FERMT3: variants seen among roughly 807,000 people sequenced by gnomAD.
FERMT3 encodes the protein FERM domain containing kindlin 3.
FERMT3 carries 33 observed loss-of-function variants against 80.8 expected under a neutral mutation model. The observed-to-expected ratio is 0.41, with a 90% confidence interval of 0.31 to 0.55. FERMT3 has a LOEUF of 0.55. Ranked by LOEUF, FERMT3 falls within the 20% of genes least tolerant of loss-of-function variation. FERMT3 has a pLI of 0.31. For missense variants in FERMT3, 754 were observed against 908.7 expected (o/e 0.83, Z 2.19); for synonymous variants, 375 against 372.2 (o/e 1.01, Z -0.09).
Position 64,211,585 on chromosome 11 carries a change from C to G in FERMT3, c.684-60C>G, listed in dbSNP as rs983292670. Reference sequence around the variant, plus strand: ...GTGCTTGTCCCCCCAGCCCAGCCCCCCTCCCCACCCCACGGCCGTACCTGG... The same window carrying G: ...GTGCTTGTCCCCCCAGCCCAGCCCCGCTCCCCACCCCACGGCCGTACCTGG... On this transcript the variant is annotated intron_variant, in intron 5 of 14. Coordinates refer to ENST00000345728, the MANE Select transcript of FERMT3 (RefSeq NM_031471.6). The surrounding 1 kb of genome is among the most constrained non-coding windows in gnomAD (Gnocchi z 4.7). The G allele has an allele frequency of 3.8e-6, 6 of 1,569,722 alleles. No homozygotes were observed. Among genetic ancestry groups the G allele is most frequent in the East Asian group, 4.5e-5 (2 of 44,084 alleles).
Position 64,211,518 on chromosome 11 carries a change from C to T in FERMT3, c.683+75C>T. 3.3e-6 allele frequency: 5 copies of T among 1,517,342 alleles called. No individual in the cohort carries two copies. In the South Asian group the frequency reaches 3.6e-5, roughly 11 times the overall value. 94.0% of individuals were successfully genotyped at this position (1,517,342 alleles called of 1,614,324 possible). A position where few individuals can be genotyped will look rare whatever the true frequency, so the allele number is the denominator to read the frequency against. On this transcript the variant is annotated intron_variant, in intron 5 of 14. Coordinates refer to ENST00000345728, the MANE Select transcript of FERMT3 (RefSeq NM_031471.6). This position sits in a 1 kb window ranked among gnomAD's most constrained non-coding sequence, Gnocchi z 4.7. Reference sequence around the variant, plus strand: ...CCACCCCCTGTCCCGTGTCTGTGCCCACCCCAGATCCACACTTCGTTTCCA... The same window carrying T: ...CCACCCCCTGTCCCGTGTCTGTGCCTACCCCAGATCCACACTTCGTTTCCA...
chr11:64,218,034 C>T (rs1265934452), intron 6 of FERMT3, among the ~76,000 whole-genome samples: 4 of 130,212 alleles, frequency 3.1e-5, no homozygotes, highest in South Asian at 2.4e-4. Context: ...GACGGAGTCT[C>T]GCTCTGTCGC....
chr11:64,221,227 G>C, intron 13 of FERMT3, 87 bp downstream of exon 13: 1 of 1,420,310 alleles, frequency 7.0e-7, no homozygotes, highest in Non-Finnish European at 9.8e-7. Context: ...CCCAAGAGTA[G>C]GTTCTGGACA....
At chr11:64,209,169 A>G (rs1946383509) in intron 2 of FERMT3, among the ~76,000 whole-genome samples, 2 of 151,804 alleles carry the variant, frequency 1.3e-5, no homozygotes, top group African/African-American at 4.8e-5. Context: ...GAGGAGGGGG[A>G]GCTGGCTAGG....
At position 64,219,757 on chromosome 11, in the gene FERMT3, C is replaced by G; in HGVS notation, c.1047C>G (p.Ile349Met). The change falls in exon 9 of 15, where the codon ATC (isoleucine) becomes ATG (methionine). Residue 349 changes from isoleucine to methionine, a missense_variant. Ile to Met is a conservative substitution (Grantham distance 10). Coordinates refer to ENST00000345728, the MANE Select transcript of FERMT3 (RefSeq NM_031471.6). The surrounding 1 kb of genome is among the most constrained non-coding windows in gnomAD (Gnocchi z 4.0). Reference sequence around the variant, plus strand: ...TCCCATAGGACAGCCTCACCACCATCCCAGAGCTCAAGGACCATCTCCGAA... The same window carrying G: ...TCCCATAGGACAGCCTCACCACCATGCCAGAGCTCAAGGACCATCTCCGAA... ...PTDVLDSLTT[I>M]PELKDHLRIF... 6.2e-7 allele frequency: 1 copy of G among 1,613,988 alleles called. No homozygotes were observed. Among genetic ancestry groups the G allele is most frequent in the Non-Finnish European group, 8.5e-7 (1 of 1,179,998 alleles).
intron 6 of FERMT3, among the ~76,000 whole-genome samples, chr11:64,216,197 ATTTT>A (rs756581025): frequency 7.8e-6 from 1 of 128,436 alleles, no homozygotes; most frequent in African/African-American, 2.9e-5. Flanking sequence ...CTCTGTAAGG[ATTTT>A]TTTTTTTTTT....
At chr11:64,209,678 C>T (rs1946394223) in intron 2 of FERMT3, among the ~76,000 whole-genome samples, 1 of 152,140 alleles carries the variant, frequency 6.6e-6, no homozygotes. Context: ...GGTTTGGCAG[C>T]AGTGGTGATG....
At position 64,219,215 on chromosome 11, in the gene FERMT3, C is replaced by G; in HGVS notation, c.787-36C>G. The stretch of plus-strand genomic sequence containing the variant: ...GCGTCCAGGGCAGCTGGCATCTGAC[C>G]AGCCCAGCCTCCAGCCTCCTCTCCC... On this transcript the variant is annotated intron_variant, in intron 6 of 14. Coordinates refer to ENST00000345728, the MANE Select transcript of FERMT3 (RefSeq NM_031471.6). The surrounding 1 kb of genome is among the most constrained non-coding windows in gnomAD (Gnocchi z 4.0). 2 of 1,547,718 alleles carry G rather than the reference C, an allele frequency of 1.3e-6. No individual in the cohort carries two copies. Among genetic ancestry groups the G allele is most frequent in the Middle Eastern group, 1.7e-4 (1 of 5,866 alleles).
intron 13 of FERMT3, 63 bp downstream of exon 13, chr11:64,221,203 C>A: frequency 6.5e-7 from 1 of 1,534,584 alleles, no homozygotes. Flanking sequence ...CACCCGGCTG[C>A]TGTGTGCCCA....
At chr11:64,215,512 A>G (rs951284654) in intron 6 of FERMT3, among the ~76,000 whole-genome samples, 2 of 152,174 alleles carry the variant, frequency 1.3e-5, no homozygotes, top group African/African-American at 4.8e-5. Context: ...TAATTGTCTG[A>G]ATGGTTTCTT....
rs761313473 is a variant in FERMT3, at chr11:64,223,209, A to G, written c.1812+20A>G. The G allele has an allele frequency of 1.6e-5, 26 of 1,613,650 alleles. No individual in the cohort carries two copies. The highest frequency in any genetic ancestry group is 2.1e-5 in the Non-Finnish European group (25 of 1,180,020). On this transcript the variant is annotated intron_variant, in intron 14 of 14. Transcript: ENST00000345728. ...CGGCAGGTGGGCCCAGACCCAGGGT[A>G]TATGGATGGGGGACAGGTGCAGGCC...
Position 64,210,048 on chromosome 11 carries a change from G to A in FERMT3, c.161-563G>A, listed in dbSNP as rs1946402038. Among the ~76,000 whole-genome samples the A allele has an allele frequency of 6.6e-6, 1 of 152,172 alleles. No homozygotes were observed. The highest frequency in any genetic ancestry group is 1.5e-5 in the Non-Finnish European group (1 of 68,038). On this transcript the variant is annotated intron_variant, in intron 2 of 14. Coordinates refer to ENST00000345728, the MANE Select transcript of FERMT3 (RefSeq NM_031471.6). This position sits in a 1 kb window ranked among gnomAD's most constrained non-coding sequence, Gnocchi z 4.3. ...GCTACCACATGGGAGGCCTTGTTCC[G>A]TGTCCCAGTTTGTAAGATCGTTATT... is the stretch of plus-strand genomic sequence containing the variant.
At position 64,211,102 on chromosome 11, in the gene FERMT3, G is replaced by A. The variant is rs1189533527; in HGVS notation, c.445G>A (p.Glu149Lys). 1 of 1,571,176 alleles carries A rather than the reference G, an allele frequency of 6.4e-7. No individual in the cohort carries two copies. Among genetic ancestry groups the A allele is most frequent in the Admixed American group, 1.9e-5 (1 of 53,830 alleles). The change falls in exon 4 of 15, where the codon GAG (glutamate) becomes AAG (lysine). Residue 149 changes from glutamate (E) to lysine (K), a missense_variant. Coordinates refer to ENST00000345728, the MANE Select transcript of FERMT3 (RefSeq NM_031471.6). This position sits in a 1 kb window ranked among gnomAD's most constrained non-coding sequence, Gnocchi z 4.7. ...CCTGCTCCGGGCTCCTGAGAAGAAGGAGAAGAAGAAGAAAGAGAAGGAGCC... is the reference window on the plus strand; with the variant it reads ...CCTGCTCCGGGCTCCTGAGAAGAAGAAGAAGAAGAAGAAAGAGAAGGAGCC... ...LSLLRAPEKK[E>K]KKKKEKEPEE...
rs558117395 is a variant in FERMT3 at position 64,211,315 on chromosome 11, C to G, written c.555C>G (p.Phe185Leu). 1.2e-6 allele frequency: 2 copies of G among 1,613,440 alleles called. No individual in the cohort carries two copies. The highest frequency in any genetic ancestry group is 2.2e-5 in the East Asian group (1 of 44,854). Residue 185 changes from phenylalanine to leucine, a missense_variant, in exon 5 of 15, where the codon TTC becomes TTG. Physicochemically the swap from Phe to Leu is conservative, Grantham distance 22 (BLOSUM62 0). Transcript: ENST00000345728. The surrounding 1 kb of genome is among the most constrained non-coding windows in gnomAD (Gnocchi z 4.7). ...TGTTCCGGGGGATGCCAGCTCACTT[C>G]TCGGACAGCGCCCAGACTGAGGCCT... is the stretch of plus-strand genomic sequence containing the variant. ...PALFRGMPAHFSDSAQTEACY... is the reference protein window; with the variant it reads ...PALFRGMPAHLSDSAQTEACY...
In FERMT3 at chr11:64,223,171, C is replaced by T. The variant is rs1946754642; in HGVS notation, c.1794C>T (p.Val598=). The change falls in exon 14 of 15, where the codon GTC becomes GTT. Residue 598 remains valine (V), a synonymous_variant. Coordinates refer to ENST00000345728, the MANE Select transcript of FERMT3 (RefSeq NM_031471.6). ...TCAGCAACATGCGCCAGTGGAATGT[C>T]AACTGGGACATCCGGCAGGTGGGCC... ...WRFSNMRQWN[V]NWDIRQVAIE... 3 of 1,613,772 alleles carry T rather than the reference C, an allele frequency of 1.9e-6. No individual in the cohort carries two copies. The highest frequency in any genetic ancestry group is 1.7e-5 in the Admixed American group (1 of 60,016).
intron 13 of FERMT3, 140 bp from the exon 14 acceptor site, chr11:64,222,908 C>G: frequency 2.7e-6 from 3 of 1,102,414 alleles, no homozygotes; most frequent in Non-Finnish European, 4.0e-6. Flanking sequence ...CCCAGGGAAC[C>G]CAAATGGCTT....
intron 13 of FERMT3, among the ~76,000 whole-genome samples, chr11:64,221,816 A>G (rs1946687551): frequency 6.6e-6 from 1 of 151,960 alleles, no homozygotes; most frequent in Admixed American, 6.6e-5. Context: ...AGTCCCAGCT[A>G]CTCAGGAGAC....
chr11:64,221,854 G>A (rs1439165688), intron 13 of FERMT3, among the ~76,000 whole-genome samples: 5 of 151,978 alleles, frequency 3.3e-5, no homozygotes, highest in Non-Finnish European at 7.4e-5. Flanking sequence ...TTGAACCCAG[G>A]AGGCAGAGGT....
chr11:64,223,012 T>TGG, intron 13 of FERMT3, 36 bp from the exon 14 acceptor site: 1 of 1,612,604 alleles, frequency 6.2e-7, no homozygotes, highest in Non-Finnish European at 8.5e-7. Context: ...CCATGCAGGG[T>TGG]GGAGCCCTGG....
Sources: allele counts gnomAD v4.1 joint callset (sites outside exome capture counted in the v4.1 genomes callset), GRCh38; gene constraint gnomAD v4.1.1; non-coding constraint Gnocchi (gnomAD v3.1); transcripts MANE v1.5; gene names NCBI Gene and HGNC (gene_info 2026-07-23, HGNC 2026-07-21).